GRK3: variants seen among roughly 807,000 people sequenced by gnomAD.
GRK3 encodes the protein adrenergic, beta, receptor kinase 2.
GRK3 carries 54 observed loss-of-function variants against 95.7 expected under a neutral mutation model. That is an observed-to-expected ratio of 0.56 (90% CI 0.45 to 0.71). The LOEUF (loss-of-function observed/expected upper bound fraction) is 0.71. GRK3 is among the 30% of genes least tolerant of loss of function. The pLI is 0.00. For missense variants in GRK3, 649 were observed against 851.2 expected (o/e 0.76, Z 2.96); for synonymous variants, 281 against 290.8 (o/e 0.97, Z 0.34).
At chr22:25,645,798 G>A (rs1201743140) in intron 3 of GRK3, among the ~76,000 whole-genome samples, 1 of 152,030 alleles carries the variant, frequency 6.6e-6, no homozygotes, top group Non-Finnish European at 1.5e-5. Context: ...GTGGGCGCCT[G>A]TAGTCCCAGC....
At chr22:25,647,494 T>A (rs1243598995) in intron 3 of GRK3, 7 of 1,404,588 alleles carry the variant, frequency 5.0e-6, no homozygotes, top group Non-Finnish European at 7.1e-6. Context: ...ATCTTCCTCA[T>A]TCTCAGTGGT....
At chr22:25,669,195 G>A (rs2146409823) in intron 6 of GRK3, among the ~76,000 whole-genome samples, 1 of 152,250 alleles carries the variant, frequency 6.6e-6, no homozygotes, top group African/African-American at 2.4e-5. Flanking sequence ...CACACGAAGG[G>A]CCCCATGGAA....
intron 2 of GRK3, among the ~76,000 whole-genome samples, chr22:25,627,906 C>G (rs1268550382): frequency 1.3e-5 from 2 of 152,190 alleles, no homozygotes; most frequent in Non-Finnish European, 2.9e-5. Flanking sequence ...TGGATCTGAC[C>G]AAGTACCTGA....
rs777476965 is a variant in GRK3, at chr22:25,714,428, A to G, written c.1512A>G (p.Glu504=). The part of the protein sequence containing the change: ...KGIKLLDCDQ[E]LYKNFPLVIS... ...ATCAGCTACTTGATTGCGACCAAGA[A>G]CTCTACAAGAACTTCCCTTTGGTCA... Residue 504 remains glutamate (E), a synonymous_variant, in exon 18 of 21, where the codon GAA becomes GAG. Transcript: ENST00000324198. 4.4e-6 allele frequency: 7 copies of G among 1,607,594 alleles called. No individual in the cohort carries two copies. The South Asian group carries it at 4.5e-5, about 10-fold the overall frequency.
At chr22:25,576,452 C>T (rs1445720032) in intron 1 of GRK3, among the ~76,000 whole-genome samples, 1 of 152,236 alleles carries the variant, frequency 6.6e-6, no homozygotes, top group African/African-American at 2.4e-5. Flanking sequence ...ACTGCCAAAG[C>T]TGCCTAGACC....
intron 1 of GRK3, among the ~76,000 whole-genome samples, chr22:25,583,049 A>G (rs1462001263): frequency 1.3e-5 from 2 of 152,226 alleles, no homozygotes; most frequent in Non-Finnish European, 2.9e-5. Flanking sequence ...TTGTAAGTCT[A>G]TCTGCTTAGA....
rs1477648075 is a variant in GRK3, at chr22:25,672,904, T to C, written c.555+557T>C. ...AGTCATTCTTATTGCATCATCCTTATTGCAGTTTGAAAATGCACACATTTC... is the reference window on the plus strand; with the variant it reads ...AGTCATTCTTATTGCATCATCCTTACTGCAGTTTGAAAATGCACACATTTC... On this transcript the variant is annotated intron_variant, in intron 7 of 20. Transcript: ENST00000324198. Among the ~76,000 whole-genome samples the C allele has an allele frequency of 2.6e-5, 4 of 152,282 alleles. No individual in the cohort carries two copies. In the East Asian group the frequency reaches 5.8e-4, roughly 22 times the overall value.
intron 8 of GRK3, among the ~76,000 whole-genome samples, chr22:25,674,777 G>A (rs1601518277): frequency 2.0e-5 from 3 of 152,104 alleles, no homozygotes; most frequent in Middle Eastern, 6.8e-3. Flanking sequence ...GTGAAACCCC[G>A]TTTCTACTAA....
intron 1 of GRK3, among the ~76,000 whole-genome samples, chr22:25,596,119 G>C (rs960140447): frequency 1.2e-4 from 19 of 152,268 alleles, no homozygotes; most frequent in Admixed American, 1.1e-3. Context: ...TGGAAAAACT[G>C]GAAAGTCAGA....
chr22:25,642,710 G>A (rs2084752231), intron 2 of GRK3, among the ~76,000 whole-genome samples: 2 of 152,128 alleles, frequency 1.3e-5, no homozygotes. Flanking sequence ...AAATGAGAAT[G>A]TGCAGTATTT....
intron 1 of GRK3, among the ~76,000 whole-genome samples, chr22:25,571,929 A>G (rs1206175334): frequency 6.6e-6 from 1 of 152,032 alleles, no homozygotes; most frequent in Non-Finnish European, 1.5e-5. Flanking sequence ...ATGTATGTAT[A>G]CATGTGCCAT....
At chr22:25,658,283 A>T (rs1295260341) in intron 3 of GRK3, among the ~76,000 whole-genome samples, 1 of 152,134 alleles carries the variant, frequency 6.6e-6, no homozygotes. Flanking sequence ...TACATTGTGG[A>T]TACTCTAAAC....
chr22:25,646,139 T>A (rs1288565568), intron 3 of GRK3, among the ~76,000 whole-genome samples: 1 of 152,006 alleles, frequency 6.6e-6, no homozygotes, highest in Non-Finnish European at 1.5e-5. Context: ...TGAGACATGC[T>A]AAGAAGCAAG....
rs1188699399 is a variant in GRK3 at position 25,727,655 on chromosome 22, A to G, written c.*5205A>G. On this transcript the variant is annotated 3_prime_UTR_variant, in exon 21 of 21. Transcript: ENST00000324198. ...TTAGAGTTAAATAACTCAGCTTTGT[A>G]TAGTAGAGTTAGCGCTCCAGTATCT... 1.3e-5 allele frequency: 2 copies of G among 152,244 alleles called. No individual in the cohort carries two copies. Among genetic ancestry groups the G allele is most frequent in the East Asian group, 1.9e-4 (1 of 5,200 alleles). 9.4% of individuals were successfully genotyped at this position (152,244 alleles called of 1,614,324 possible).
intron 1 of GRK3, among the ~76,000 whole-genome samples, chr22:25,587,145 C>T (rs546520391): frequency 4.6e-5 from 7 of 152,284 alleles, no homozygotes; most frequent in African/African-American, 1.4e-4. Flanking sequence ...CCTGCCTCAG[C>T]CTCCCAAAGT....
chr22:25,695,089 A>C lies in GRK3; in HGVS notation c.1053-18A>C. The C allele has an allele frequency of 6.3e-7, 1 of 1,593,588 alleles. No homozygotes were observed. The highest frequency in any genetic ancestry group is 8.6e-7 in the Non-Finnish European group (1 of 1,162,030). ...AGTGGGCATGCTCTGATAACTGTGT[A>C]TACTTTCTTCTCCCTAGTGGCACCC... On this transcript the variant is annotated intron_variant, in intron 12 of 20. Transcript: ENST00000324198.
At chr22:25,669,167 G>T (rs1401551929) in intron 6 of GRK3, among the ~76,000 whole-genome samples, 2 of 152,124 alleles carry the variant, frequency 1.3e-5, no homozygotes, top group Non-Finnish European at 2.9e-5. Context: ...TGTAGCCTTT[G>T]ACCTCATAGG....
intron 8 of GRK3, 63 bp downstream of exon 8, chr22:25,674,591 G>C: frequency 8.3e-7 from 1 of 1,202,634 alleles, no homozygotes; most frequent in South Asian, 1.3e-5. Flanking sequence ...TGCATGAAAA[G>C]AAAATTCCTA....
chr22:25,604,593 A>C (rs2084431429), intron 2 of GRK3, 140 bp downstream of exon 2: 1 of 498,890 alleles, frequency 2.0e-6, no homozygotes, highest in Non-Finnish European at 3.5e-6. Context: ...TCATGTAATT[A>C]ATAAGGTATT....
Sources: allele counts gnomAD v4.1 joint callset (sites outside exome capture counted in the v4.1 genomes callset), GRCh38; gene constraint gnomAD v4.1.1; transcripts MANE v1.5; gene names NCBI Gene and HGNC (gene_info 2026-07-23, HGNC 2026-07-21).